MTSS1: variants seen among roughly 807,000 people sequenced by gnomAD.
MTSS1 encodes protein MTSS 1.
MTSS1 carries 18 observed loss-of-function variants against 79.0 expected under a neutral mutation model. The ratio of observed to expected loss-of-function variants is 0.23; its 90% CI spans 0.16 to 0.34. The LOEUF (loss-of-function observed/expected upper bound fraction) is 0.34, where lower values mean the gene tolerates loss of function less well. Among genes scored for constraint, MTSS1 ranks in the 10% least tolerant of loss-of-function variants. MTSS1 has a pLI of 1.00. For synonymous variants in MTSS1, 341 were observed against 368.6 expected (o/e 0.93, Z 0.86); for missense variants, 815 against 986.2 (o/e 0.83, Z 2.33).
Position 124,685,596 on chromosome 8 carries a change from G to A in MTSS1, c.208+13930C>T, listed in dbSNP as rs1218509760. Among the ~76,000 whole-genome samples the A allele has an allele frequency of 2.6e-5, 4 of 152,142 alleles. No homozygotes were observed. The East Asian group carries it at 5.8e-4, about 22-fold the overall frequency. ...GGTGAGGGAAGGGAGAGGGCATTCC[G>A]AGTGTGTGTGATGCAGGAGAGAATG... On this transcript the variant is annotated intron_variant, in intron 3 of 13. Coordinates refer to ENST00000518547, the MANE Select transcript of MTSS1 (RefSeq NM_014751.6).
chr8:124,698,016 T>C (rs1278802015), intron 3 of MTSS1: 1 of 152,246 alleles, frequency 6.6e-6, no homozygotes, highest in Non-Finnish European at 1.5e-5. Context: ...TCTACAACTA[T>C]TACCATACCA....
intron 3 of MTSS1, among the ~76,000 whole-genome samples, chr8:124,622,485 GA>G (rs74650146): frequency 0.03 from 2,989 of 99,504 alleles, 90 homozygotes; most frequent in African/African-American, 0.085. Flanking sequence ...TTGCCATATT[GA>G]AAAAAAAAAA....
chr8:124,558,381 A>G (rs2131842521), intron 10 of MTSS1, among the ~76,000 whole-genome samples: 1 of 152,264 alleles, frequency 6.6e-6, no homozygotes, highest in Non-Finnish European at 1.5e-5. Context: ...ACACAGTGAC[A>G]TGGCTCATCC....
chr8:124,631,960 G>C (rs1816042295), intron 3 of MTSS1, among the ~76,000 whole-genome samples: 1 of 152,182 alleles, frequency 6.6e-6, no homozygotes, highest in South Asian at 2.1e-4. Flanking sequence ...GTTTTTAACA[G>C]AAAGCAAAGA....
At chr8:124,660,656 G>A (rs1474977576) in intron 3 of MTSS1, among the ~76,000 whole-genome samples, 10 of 152,178 alleles carry the variant, frequency 6.6e-5, no homozygotes, top group African/African-American at 9.7e-5. Context: ...TGAGGCTCTG[G>A]CTTAGTGGAG....
At chr8:124,600,446 A>C (rs990111709) in intron 3 of MTSS1, among the ~76,000 whole-genome samples, 5 of 152,234 alleles carry the variant, frequency 3.3e-5, no homozygotes, top group African/African-American at 9.6e-5. Context: ...CCTACAACCC[A>C]GGTGTGAGAA....
At chr8:124,612,503 T>C (rs754592085) in intron 3 of MTSS1, among the ~76,000 whole-genome samples, 41 of 151,794 alleles carry the variant, frequency 2.7e-4, no homozygotes, top group Admixed American at 2.6e-4. Context: ...ACCTTTCAGG[T>C]AGAAATCTTG....
At chr8:124,565,884 G>T in intron 8 of MTSS1, 125 bp from the exon 9 acceptor site, 1 of 668,786 alleles carries the variant, frequency 1.5e-6, no homozygotes, top group Non-Finnish European at 2.4e-6. Flanking sequence ...AGCAAAACAT[G>T]TTAAAAAAAT....
chr8:124,587,204 TCAACGAGTCCCTGG>T (rs1831014728), intron 5 of MTSS1, among the ~76,000 whole-genome samples: 1 of 152,178 alleles, frequency 6.6e-6, no homozygotes. Context: ...CCCCAGGGCC[TCAACGAGTCCCTGG>T]CATGCAGCAG....
At chr8:124,647,153 T>G (rs1311009651) in intron 3 of MTSS1, among the ~76,000 whole-genome samples, 2 of 152,212 alleles carry the variant, frequency 1.3e-5, no homozygotes, top group East Asian at 3.8e-4. Context: ...CAGTCATTCC[T>G]CTTTAAATAA....
intron 3 of MTSS1, among the ~76,000 whole-genome samples, chr8:124,680,155 T>C (rs901742564): frequency 1.3e-5 from 2 of 152,224 alleles, no homozygotes; most frequent in African/African-American, 2.4e-5. Flanking sequence ...AAAGGCAGAA[T>C]GGTTCTTCAA....
rs1157370273 is a variant in MTSS1, at chr8:124,568,388, C to T, written c.609G>A (p.Arg203=). 2 of 1,612,806 alleles carry T rather than the reference C, an allele frequency of 1.2e-6. No homozygotes were observed. The highest frequency in any genetic ancestry group is 1.7e-6 in the Non-Finnish European group (2 of 1,178,898). Residue 203 remains arginine, a synonymous_variant, in exon 7 of 14, where the codon CGG becomes CGA. Coordinates refer to ENST00000518547, the MANE Select transcript of MTSS1 (RefSeq NM_014751.6). Reference sequence around the variant, plus strand: ...TTTTCCATTAACTTACAATCACTGGCCGCAGCATAGAGATGAAGGTACAGA... The same window carrying T: ...TTTTCCATTAACTTACAATCACTGGTCGCAGCATAGAGATGAAGGTACAGA... ...GRFCTFISML[R]PVIEEEISML...
chr8:124,617,353 C>A (rs1837063619), intron 3 of MTSS1, among the ~76,000 whole-genome samples: 2 of 152,180 alleles, frequency 1.3e-5, no homozygotes, highest in African/African-American at 4.8e-5. Flanking sequence ...CCCATTCAGA[C>A]CGCGAGCAGA....
intron 3 of MTSS1, among the ~76,000 whole-genome samples, chr8:124,609,037 C>T (rs1176599403): frequency 6.6e-6 from 1 of 152,202 alleles, no homozygotes; most frequent in Non-Finnish European, 1.5e-5. Context: ...TGCTAGACTA[C>T]CAACCACACT....
At chr8:124,682,095 G>C (rs1563989126) in intron 3 of MTSS1, among the ~76,000 whole-genome samples, 3 of 152,150 alleles carry the variant, frequency 2.0e-5, no homozygotes, top group Non-Finnish European at 4.4e-5. Flanking sequence ...GTGCAGGCTG[G>C]GATTCAACTC....
intron 3 of MTSS1, among the ~76,000 whole-genome samples, chr8:124,698,510 T>TC (rs1440745872): frequency 1.4e-5 from 2 of 148,092 alleles, no homozygotes; most frequent in African/African-American, 2.5e-5. Context: ...GCTTTTCTTT[T>TC]TTTTTTTTTT....
At chr8:124,675,452 T>C (rs909794496) in intron 3 of MTSS1, among the ~76,000 whole-genome samples, 4 of 152,248 alleles carry the variant, frequency 2.6e-5, no homozygotes, top group South Asian at 4.1e-4. Context: ...GGGTGTACCA[T>C]ATATAGTGAC....
intron 1 of MTSS1, among the ~76,000 whole-genome samples, chr8:124,714,512 G>C (rs1831631268): frequency 1.3e-5 from 2 of 152,162 alleles, no homozygotes; most frequent in South Asian, 4.1e-4. Flanking sequence ...GCCCAGGCTG[G>C]AGTGCAGTGG....
rs1013516309 is a variant in MTSS1 at position 124,565,859 on chromosome 8, G to A, written c.727-100C>T. On this transcript the variant is annotated intron_variant, in intron 8 of 13. Coordinates refer to ENST00000518547, the MANE Select transcript of MTSS1 (RefSeq NM_014751.6). ...CAAAGCATCAAAACGCTGCCATCGT[G>A]GGGGTGGGAATGAAAGCAAAACATG... 7.0e-6 allele frequency: 7 copies of A among 998,650 alleles called. No homozygotes were observed. In the African/African-American group the frequency reaches 8.2e-5, roughly 12 times the overall value. The allele number at this position is 998,650 out of a possible 1,614,324, so 61.9% of individuals were successfully genotyped here.
Sources: gnomAD v4.1 joint callset for allele counts (sites outside exome capture counted in the v4.1 genomes callset) on GRCh38, gnomAD v4.1.1 for gene constraint, MANE v1.5 for transcripts, NCBI Gene and HGNC (gene_info 2026-07-23, HGNC 2026-07-21) for gene names.